FBXL17: variants seen among roughly 807,000 people sequenced by gnomAD.
FBXL17 encodes the protein F-box and leucine rich repeat protein 17.
In FBXL17, 22 loss-of-function variants were observed where a neutral mutation model predicts 66.2. The observed-to-expected ratio is 0.33, with a 90% CI of 0.24 to 0.47. The LOEUF (loss-of-function observed/expected upper bound fraction) is 0.47. Ranked by LOEUF, FBXL17 falls within the 20% of genes least tolerant of loss-of-function variation. FBXL17 has a pLI of 1.00. For synonymous variants in FBXL17, 474 were observed against 400.5 expected (o/e 1.18, Z -2.19); for missense variants, 878 against 948.2 (o/e 0.93, Z 0.97).
intron 4 of FBXL17, among the ~76,000 whole-genome samples, chr5:108,236,319 C>T (rs1755600267): frequency 1.3e-5 from 2 of 151,986 alleles, no homozygotes; most frequent in Admixed American, 6.6e-5. Flanking sequence ...CAAAACCAAC[C>T]TGGCCAACAT....
intron 6 of FBXL17, among the ~76,000 whole-genome samples, chr5:108,085,095 A>G (rs751588892): frequency 7.2e-5 from 11 of 152,234 alleles, no homozygotes; most frequent in Non-Finnish European, 1.5e-4. Flanking sequence ...GACAAGATGA[A>G]AGTCAAACAT....
intron 6 of FBXL17, among the ~76,000 whole-genome samples, chr5:108,134,691 AT>A (rs745424401): frequency 1.3e-5 from 2 of 152,180 alleles, no homozygotes; most frequent in Non-Finnish European, 2.9e-5. Context: ...GAAGTAGAAC[AT>A]TTGAAAACCA....
intron 7 of FBXL17, among the ~76,000 whole-genome samples, chr5:108,017,709 C>T (rs1229736872): frequency 6.6e-6 from 1 of 152,092 alleles, no homozygotes; most frequent in African/African-American, 2.4e-5. Flanking sequence ...TACATTTGTT[C>T]AGTGATAAAG....
At chr5:107,942,752 G>T (rs1751151743) in intron 7 of FBXL17, among the ~76,000 whole-genome samples, 3 of 144,664 alleles carry the variant, frequency 2.1e-5, no homozygotes, top group African/African-American at 7.8e-5. Flanking sequence ...GTACAAACAG[G>T]CACAATTATC....
intron 4 of FBXL17, among the ~76,000 whole-genome samples, chr5:108,284,157 C>T (rs1372675722): frequency 6.6e-6 from 1 of 151,888 alleles, no homozygotes; most frequent in African/African-American, 2.4e-5. Flanking sequence ...ATAGATTTAC[C>T]ATTTGATCCA....
At chr5:108,201,638 AT>A (rs1753899366) in intron 5 of FBXL17, among the ~76,000 whole-genome samples, 1 of 152,036 alleles carries the variant, frequency 6.6e-6, no homozygotes, top group Non-Finnish European at 1.5e-5. Flanking sequence ...TCTCAGTAGT[AT>A]ATTTTCTCAT....
intron 6 of FBXL17, among the ~76,000 whole-genome samples, chr5:108,082,626 T>C (rs1748812840): frequency 7.6e-6 from 1 of 132,236 alleles, no homozygotes; most frequent in Non-Finnish European, 1.7e-5. Flanking sequence ...CCTTTATAAC[T>C]GCAAAGTGTG....
chr5:107,879,697 G>A, intron 8 of FBXL17: 1 of 985,424 alleles, frequency 1.0e-6, no homozygotes, highest in South Asian at 4.7e-5. Context: ...CCTTTGAATG[G>A]CGTGTCTATT....
chr5:107,862,230 G>A (rs994923102), intron 8 of FBXL17, among the ~76,000 whole-genome samples: 4 of 151,984 alleles, frequency 2.6e-5, no homozygotes, highest in African/African-American at 9.7e-5. Context: ...CAACCCGACA[G>A]CCTTTTTAGG....
At chr5:107,996,895 C>T (rs544563749) in intron 7 of FBXL17, among the ~76,000 whole-genome samples, 81 of 152,248 alleles carry the variant, frequency 5.3e-4, no homozygotes, top group African/African-American at 1.8e-3. Context: ...CATCATGGTA[C>T]CTCTCCTGGA....
Position 107,859,263 on chromosome 5 carries a change from T to C in FBXL17, c.*2457A>G, listed in dbSNP as rs1181005815. On this transcript the variant is annotated 3_prime_UTR_variant, in exon 9 of 9. Transcript: ENST00000542267. The stretch of plus-strand genomic sequence containing the variant: ...AACGTGTTCACATGTATTTATGACA[T>C]TCTAAGCAAAAAAAAGAAACTCTAT... 4 of 152,024 alleles carry C rather than the reference T, an allele frequency of 2.6e-5. No homozygotes were observed. Among genetic ancestry groups the C allele is most frequent in the Admixed American group, 6.6e-5 (1 of 15,262 alleles). The allele number at this position is 152,024 out of a possible 1,614,324, so 9.4% of individuals were successfully genotyped here.
At chr5:108,011,103 T>C (rs1456396850) in intron 7 of FBXL17, among the ~76,000 whole-genome samples, 1 of 152,240 alleles carries the variant, frequency 6.6e-6, no homozygotes, top group Non-Finnish European at 1.5e-5. Context: ...TTATATTGTG[T>C]TTTGAGTGTT....
chr5:108,173,661 C>T (rs1295532163), intron 6 of FBXL17, among the ~76,000 whole-genome samples: 3 of 152,082 alleles, frequency 2.0e-5, no homozygotes, highest in Admixed American at 1.3e-4. Context: ...CTAAACATAC[C>T]GCGTAAGAAT....
At chr5:108,317,939 A>G (rs768372453) in intron 4 of FBXL17, among the ~76,000 whole-genome samples, 7 of 151,624 alleles carry the variant, frequency 4.6e-5, no homozygotes, top group Non-Finnish European at 1.0e-4. Context: ...ATTTGCTAAC[A>G]TAAAAGCTTT....
At chr5:108,011,792 C>G (rs10061085) in intron 7 of FBXL17, among the ~76,000 whole-genome samples, 64,468 of 152,058 alleles carry the variant, frequency 0.42, 14,753 homozygotes, top group East Asian at 0.6. Context: ...CCACTGCACT[C>G]TAGCCTGGGC....
At chr5:108,168,393 C>G (rs1291565094) in intron 6 of FBXL17, among the ~76,000 whole-genome samples, 3 of 152,122 alleles carry the variant, frequency 2.0e-5, no homozygotes, top group Non-Finnish European at 4.4e-5. Context: ...ATGTGATTAT[C>G]CAAAGAATGA....
chr5:108,024,732 G>C (rs1280080444), intron 6 of FBXL17, among the ~76,000 whole-genome samples: 1 of 152,104 alleles, frequency 6.6e-6, no homozygotes, highest in Non-Finnish European at 1.5e-5. Flanking sequence ...AGTTATTTTT[G>C]ATAATAATGT....
chr5:107,989,070 T>C (rs947886517), intron 7 of FBXL17, among the ~76,000 whole-genome samples: 3 of 152,046 alleles, frequency 2.0e-5, no homozygotes, highest in Non-Finnish European at 4.4e-5. Context: ...ATACATACAA[T>C]GTGTAATGAT....
chr5:107,931,945 T>A (rs551722472), intron 7 of FBXL17, among the ~76,000 whole-genome samples: 1 of 152,312 alleles, frequency 6.6e-6, no homozygotes, highest in South Asian at 2.1e-4. Flanking sequence ...TATTAATCAC[T>A]GGTTTATATA....
Sources: allele counts gnomAD v4.1 joint callset (sites outside exome capture counted in the v4.1 genomes callset), GRCh38; gene constraint gnomAD v4.1.1; transcripts MANE v1.5; gene names NCBI Gene and HGNC (gene_info 2026-07-23, HGNC 2026-07-21).